RIPOR2: variants seen among roughly 807,000 people sequenced by gnomAD.
RIPOR2 encodes the protein RHO family interacting cell polarization regulator 2.
Under a neutral mutation model 114.5 loss-of-function variants are expected in RIPOR2, and 39 were observed. The observed-to-expected ratio is 0.34, with a 90% CI of 0.26 to 0.44. The LOEUF (loss-of-function observed/expected upper bound fraction) is 0.44, where lower values mean the gene tolerates loss of function less well. RIPOR2 is among the 20% of genes least tolerant of loss of function. The pLI is 1.00. For missense variants in RIPOR2, 1,007 were observed against 1,255.1 expected (o/e 0.80, Z 2.99); for synonymous variants, 445 against 484.4 (o/e 0.92, Z 1.07).
chr6:24,886,136 C>A (rs1234121824), intron 1 of RIPOR2, among the ~76,000 whole-genome samples: 2 of 152,060 alleles, frequency 1.3e-5, no homozygotes, highest in Admixed American at 1.3e-4. Flanking sequence ...TCCAAATACA[C>A]ACACACACAC....
In RIPOR2 at chr6:24,875,837, T is replaced by C; in HGVS notation, c.62-20A>G. 6 of 1,585,654 alleles carry C rather than the reference T, an allele frequency of 3.8e-6. No homozygotes were observed. Among genetic ancestry groups the C allele is most frequent in the Non-Finnish European group, 5.1e-6 (6 of 1,165,312 alleles). The stretch of plus-strand genomic sequence containing the variant: ...GTAGTCCTAGAAGACAGTGGAAAGA[T>C]CATGACAATTTATAGGCAGGTTCAG... On this transcript the variant is annotated intron_variant, in intron 1 of 21. Coordinates refer to ENST00000643898, the MANE Select transcript of RIPOR2 (RefSeq NM_001286445.3).
intron 8 of RIPOR2, among the ~76,000 whole-genome samples, chr6:24,854,939 A>G (rs1342153833): frequency 6.7e-6 from 1 of 149,438 alleles, no homozygotes; most frequent in Admixed American, 6.8e-5. Flanking sequence ...AGGCAGGAGA[A>G]TCGCTTGAAC....
At chr6:24,844,145 A>G (rs527398471) in intron 12 of RIPOR2, among the ~76,000 whole-genome samples, 2 of 152,336 alleles carry the variant, frequency 1.3e-5, no homozygotes, top group East Asian at 1.9e-4. Flanking sequence ...TAGCTTCTCT[A>G]GAAATAAAAG....
intron 1 of RIPOR2, among the ~76,000 whole-genome samples, chr6:24,974,806 G>C (rs1435886537): frequency 3.3e-5 from 5 of 152,090 alleles, no homozygotes; most frequent in African/African-American, 1.2e-4. Flanking sequence ...AAGATTACTT[G>C]GCAACAAAAA....
chr6:25,040,565 C>T (rs866136538), intron 1 of RIPOR2, among the ~76,000 whole-genome samples: 4 of 149,928 alleles, frequency 2.7e-5, no homozygotes, highest in African/African-American at 4.9e-5. Flanking sequence ...AACTTGAGAG[C>T]TTTCACATAG....
chr6:24,924,506 G>A (rs1770722697), intron 1 of RIPOR2, among the ~76,000 whole-genome samples: 1 of 152,068 alleles, frequency 6.6e-6, no homozygotes, highest in Non-Finnish European at 1.5e-5. Context: ...TAGTCTTACG[G>A]TGTTTCTCCT....
intron 1 of RIPOR2, among the ~76,000 whole-genome samples, chr6:24,979,496 T>G (rs1675269615): frequency 6.6e-6 from 1 of 152,122 alleles, no homozygotes; most frequent in African/African-American, 2.4e-5. Context: ...TTAATATGAA[T>G]TGAATCGCAT....
rs182296935 is a variant in RIPOR2 at position 24,963,809 on chromosome 6, C to G, written c.76+78042G>C. Among the ~76,000 whole-genome samples, 34 of 151,378 alleles carry G rather than the reference C, an allele frequency of 2.2e-4. No individual in the cohort carries two copies. In the East Asian group the frequency reaches 6.8e-3, roughly 30 times the overall value. On this transcript the variant is annotated intron_variant, in intron 1 of 13. Coordinates refer to the RIPOR2 transcript ENST00000510784. ...TTAGCCTTTGGGTAAAAATACGTGTCTTTGATCTTGTTGTGGAAAATTCTC... is the reference window on the plus strand; with the variant it reads ...TTAGCCTTTGGGTAAAAATACGTGTGTTTGATCTTGTTGTGGAAAATTCTC...
chr6:24,887,864 C>A (rs1027419084), intron 1 of RIPOR2, among the ~76,000 whole-genome samples: 1 of 152,002 alleles, frequency 6.6e-6, no homozygotes, highest in Non-Finnish European at 1.5e-5. Context: ...GCTGGCCTCA[C>A]GATAATTAGA....
At chr6:24,924,008 G>T (rs750922310) in intron 1 of RIPOR2, among the ~76,000 whole-genome samples, 1 of 152,090 alleles carries the variant, frequency 6.6e-6, no homozygotes, top group African/African-American at 2.4e-5. Flanking sequence ...TGCTTTTAGC[G>T]CTCTCCTGTC....
intron 6 of RIPOR2, among the ~76,000 whole-genome samples, chr6:24,867,657 G>A (rs1764749130): frequency 6.6e-6 from 1 of 152,200 alleles, no homozygotes; most frequent in Non-Finnish European, 1.5e-5. Context: ...TTTGTGTAGT[G>A]AGAAAGTTTA....
chr6:24,940,567 G>C (rs1320353840), upstream of RIPOR2, among the ~76,000 whole-genome samples: 1 of 152,074 alleles, frequency 6.6e-6, no homozygotes, highest in African/African-American at 2.4e-5. Context: ...GGGTAACTTT[G>C]CCAGTAAAGA....
At chr6:24,819,354 T>C (rs1350493317) in intron 19 of RIPOR2, among the ~76,000 whole-genome samples, 2 of 151,806 alleles carry the variant, frequency 1.3e-5, no homozygotes, top group Non-Finnish European at 2.9e-5. Context: ...TAGATTTCAG[T>C]AGGGAAGTTG....
chr6:24,948,562 G>A (rs9467356), intron 1 of RIPOR2, among the ~76,000 whole-genome samples: 79,239 of 149,000 alleles, frequency 0.53, 21,512 homozygotes, highest in Non-Finnish European at 0.6. Context: ...ATGGAGTTTC[G>A]CTCTTGTTGC....
chr6:24,930,152 T>C (rs888996566), intron 1 of RIPOR2, among the ~76,000 whole-genome samples: 2 of 152,214 alleles, frequency 1.3e-5, no homozygotes, highest in Non-Finnish European at 2.9e-5. Context: ...GTAAGTGAAG[T>C]GGCTTCTATC....
At chr6:24,928,289 G>A (rs1185046794) in intron 1 of RIPOR2, among the ~76,000 whole-genome samples, 1 of 152,034 alleles carries the variant, frequency 6.6e-6, no homozygotes, top group African/African-American at 2.4e-5. Flanking sequence ...AGTTAAGAGT[G>A]CCTTCTACAA....
chr6:24,966,958 G>A (rs1404371030), intron 1 of RIPOR2, among the ~76,000 whole-genome samples: 1 of 152,228 alleles, frequency 6.6e-6, no homozygotes, highest in East Asian at 1.9e-4. Flanking sequence ...GAGCTGTACA[G>A]AGGTGAAGCT....
intron 1 of RIPOR2, among the ~76,000 whole-genome samples, chr6:24,925,700 C>CA (rs36119418): frequency 0.033 from 4,555 of 137,250 alleles, 153 homozygotes; most frequent in African/African-American, 0.092. Context: ...GACTCCATCT[C>CA]AAAAAAAAAA....
chr6:24,982,119 A>C (rs1385293707), intron 1 of RIPOR2, among the ~76,000 whole-genome samples: 1 of 152,202 alleles, frequency 6.6e-6, no homozygotes, highest in Non-Finnish European at 1.5e-5. Context: ...AACTTCTAAG[A>C]GATCTCTTTT....
Sources: gnomAD v4.1 joint callset for allele counts (sites outside exome capture counted in the v4.1 genomes callset) on GRCh38, gnomAD v4.1.1 for gene constraint, MANE v1.5 for transcripts, NCBI Gene and HGNC (gene_info 2026-07-23, HGNC 2026-07-21) for gene names.